Variants in MRPL48 observed in about 807,000 individuals in gnomAD.
MRPL48 encodes the protein large ribosomal subunit protein mL48.
A neutral mutation model predicts 32.9 loss-of-function variants in MRPL48; 16 were observed. The ratio of observed to expected loss-of-function variants is 0.49; its 90% CI spans 0.33 to 0.74. The LOEUF (loss-of-function observed/expected upper bound fraction) is 0.74. Ranked by LOEUF, MRPL48 falls within the 30% of genes least tolerant of loss-of-function variation. The pLI is 0.02. For missense variants in MRPL48, 206 were observed against 245.3 expected (o/e 0.84, Z 1.07); for synonymous variants, 94 against 89.2 (o/e 1.05, Z -0.31).
chr11:73,821,715 G>T (rs1210228033), intron 3 of MRPL48, among the ~76,000 whole-genome samples: 1 of 152,086 alleles, frequency 6.6e-6, no homozygotes, highest in African/African-American at 2.4e-5. Flanking sequence ...TTCCTAGGTG[G>T]CAGGTTCTGT....
chr11:73,858,978 A>G (rs550968867), intron 5 of MRPL48, among the ~76,000 whole-genome samples: 3 of 152,352 alleles, frequency 2.0e-5, no homozygotes, highest in Admixed American at 6.5e-5. Context: ...CATAAACTCT[A>G]TAATCTGGGA....
chr11:73,792,048 G>T (rs1017101162), intron 1 of MRPL48, among the ~76,000 whole-genome samples: 8 of 152,270 alleles, frequency 5.3e-5, no homozygotes, highest in Non-Finnish European at 8.8e-5. Context: ...ATGCCCTTCT[G>T]TGCCTAACTT....
chr11:73,844,144 A>C (rs1948242934), intron 4 of MRPL48, among the ~76,000 whole-genome samples: 3 of 151,944 alleles, frequency 2.0e-5, no homozygotes, highest in Non-Finnish European at 4.4e-5. Context: ...GAATATTTTA[A>C]TCTAGGCTAG....
In MRPL48 at chr11:73,848,349, T is replaced by G. The variant is rs562799042; in HGVS notation, c.371+3373T>G. Among the ~76,000 whole-genome samples the G allele has an allele frequency of 1.9e-4, 29 of 152,286 alleles. No homozygotes were observed. In the South Asian group the frequency reaches 2.3e-3, roughly 12 times the overall value. On this transcript the variant is annotated intron_variant, in intron 5 of 7. Transcript: ENST00000310614. ...TATATGCTTACACCTGTACCCACTG[T>G]CTTGATTAGTGTAGTTTGATTACCA... is the stretch of plus-strand genomic sequence containing the variant.
At chr11:73,809,967 C>T (rs1456139604) in intron 3 of MRPL48, among the ~76,000 whole-genome samples, 1 of 152,096 alleles carries the variant, frequency 6.6e-6, no homozygotes. Context: ...TAATGGGCTT[C>T]TTTTTATTTA....
chr11:73,837,625 G>A (rs1792164), intron 4 of MRPL48, among the ~76,000 whole-genome samples: 12,231 of 152,088 alleles, frequency 0.08, 676 homozygotes, highest in African/African-American at 0.16. Context: ...CTATTTGGGG[G>A]ACCAGAGTGC....
chr11:73,790,259 C>G (rs1488456162), intron 1 of MRPL48, among the ~76,000 whole-genome samples: 1 of 149,824 alleles, frequency 6.7e-6, no homozygotes, highest in Non-Finnish European at 1.5e-5. Context: ...TTAATAGAGA[C>G]GGGGTTTCAC....
intron 5 of MRPL48, chr11:73,845,181 C>G (rs1043479535): frequency 2.3e-5 from 10 of 434,858 alleles, no homozygotes; most frequent in Non-Finnish European, 3.9e-5. Flanking sequence ...TCTCCCTCTT[C>G]CCCACTCAAG....
chr11:73,851,918 TACACAC>T (rs35410725), intron 5 of MRPL48, among the ~76,000 whole-genome samples: 277 of 149,080 alleles, frequency 1.9e-3, no homozygotes, highest in Non-Finnish European at 2.9e-3. Flanking sequence ...TCAGGGAACG[TACACAC>T]ACACACACAC....
At chr11:73,810,073 T>C (rs1947538061) in intron 3 of MRPL48, among the ~76,000 whole-genome samples, 1 of 152,228 alleles carries the variant, frequency 6.6e-6, no homozygotes, top group South Asian at 2.1e-4. Flanking sequence ...TTAGTAGTTT[T>C]AGAAGCTTAT....
intron 1 of MRPL48, among the ~76,000 whole-genome samples, chr11:73,796,864 A>C (rs1032500597): frequency 6.6e-6 from 1 of 152,188 alleles, no homozygotes; most frequent in Non-Finnish European, 1.5e-5. Flanking sequence ...CAGGAGTTTG[A>C]GACCAACCTG....
In MRPL48 at chr11:73,844,828, G is replaced by A; in HGVS notation, c.223G>A (p.Val75Met). Residue 75 changes from valine to methionine, a missense_variant, in exon 5 of 8, where the codon GTG (valine) becomes ATG (methionine). Coordinates refer to ENST00000310614, the MANE Select transcript of MRPL48 (RefSeq NM_016055.6). The part of the protein sequence containing the change: ...AEEPKKKKGK[V>M]EVRAINLGTD... ...TCAGCCCAAGAAGAAGAAGGGAAAA[G>A]TGGAAGTGAGAGCCATTAATTTGGG... 6.2e-7 allele frequency: 1 copy of A among 1,613,418 alleles called. No individual in the cohort carries two copies. Among genetic ancestry groups the A allele is most frequent in the Non-Finnish European group, 8.5e-7 (1 of 1,179,780 alleles).
At position 73,788,044 on chromosome 11, in the gene MRPL48, A is replaced by T. The variant is rs1371509010; in HGVS notation, c.21+52A>T. ...CGCGGGGAGATGGCGGACGGTGCAG[A>T]GAGGGGAGATGGCGGAGGGTGCAGA... On this transcript the variant is annotated intron_variant, in intron 1 of 7. Coordinates refer to ENST00000310614, the MANE Select transcript of MRPL48 (RefSeq NM_016055.6). 7 of 1,460,530 alleles carry T rather than the reference A, an allele frequency of 4.8e-6. No homozygotes were observed. The East Asian group carries it at 1.6e-4, about 34-fold the overall frequency. The allele number at this position is 1,460,530 out of a possible 1,614,324, so 90.5% of individuals were successfully genotyped here.
In MRPL48 at chr11:73,808,336, C is replaced by T. The variant is rs553182572; in HGVS notation, c.98C>T (p.Pro33Leu). The T allele has an allele frequency of 3.7e-6, 6 of 1,608,532 alleles. No individual in the cohort carries two copies. The South Asian group carries it at 6.7e-5, about 18-fold the overall frequency. The change falls in exon 3 of 8, where the codon CCC becomes CTC. Residue 33 changes from proline to leucine, a missense_variant. Coordinates refer to ENST00000310614, the MANE Select transcript of MRPL48 (RefSeq NM_016055.6). ...LLRFRTSGEKPIYSVGGILLS... is the reference protein window; with the variant it reads ...LLRFRTSGEKLIYSVGGILLS... ...AGGTTTAGAACTTCAGGAGAGAAGC[C>T]CATCTATTCTGTAGGTAAGCAGTTT... is the stretch of plus-strand genomic sequence containing the variant.
chr11:73,827,473 G>T (rs576455845), intron 4 of MRPL48, among the ~76,000 whole-genome samples: 1 of 152,250 alleles, frequency 6.6e-6, no homozygotes, highest in South Asian at 2.1e-4. Context: ...AAATTATTTA[G>T]CCCATTTCTT....
At chr11:73,805,129 C>A in intron 2 of MRPL48, 50 bp downstream of exon 2, 1 of 1,454,664 alleles carries the variant, frequency 6.9e-7, no homozygotes, top group Non-Finnish European at 9.4e-7. Context: ...TTGCCTTTGG[C>A]TTCATAGTTC....
chr11:73,787,909 GGGAAC>G lies in MRPL48; in HGVS notation c.-61_-57del. ...TTCCTTCAGTGTTTTCAGACGCCCT[GGGAAC>G]GCGGCTGCAGGGTCCGGTCTTCGGT... is the stretch of plus-strand genomic sequence containing the variant. On this transcript the variant is annotated 5_prime_UTR_variant, in exon 1 of 8. Coordinates refer to ENST00000310614, the MANE Select transcript of MRPL48 (RefSeq NM_016055.6). 1 of 1,593,870 alleles carries G rather than the reference GGGAAC, an allele frequency of 6.3e-7. No homozygotes were observed. Among genetic ancestry groups the G allele is most frequent in the Non-Finnish European group, 8.6e-7 (1 of 1,168,170 alleles).
chr11:73,856,697 A>G (rs953970968), intron 5 of MRPL48, among the ~76,000 whole-genome samples: 1 of 152,190 alleles, frequency 6.6e-6, no homozygotes, highest in Non-Finnish European at 1.5e-5. Context: ...TAACTTGTAT[A>G]AAGTGAAGCT....
intron 4 of MRPL48, among the ~76,000 whole-genome samples, chr11:73,831,940 C>CAAAAAAAAAAAAAAA (rs4019304): frequency 1.5e-5 from 1 of 67,088 alleles, no homozygotes; most frequent in African/African-American, 6.3e-5. Context: ...AACTCTGTCT[C>CAAAAAAAAAAAAAAA]AAAAAAAAAA....
Sources: allele counts gnomAD v4.1 joint callset (sites outside exome capture counted in the v4.1 genomes callset), GRCh38; gene constraint gnomAD v4.1.1; transcripts MANE v1.5; gene names NCBI Gene and HGNC (gene_info 2026-07-23, HGNC 2026-07-21).